ASTN1: variants seen among roughly 807,000 people sequenced by gnomAD.
The protein encoded by ASTN1 is astrotactin 1.
ASTN1 carries 41 observed loss-of-function variants against 140.7 expected under a neutral mutation model. That is an observed-to-expected ratio of 0.29 (90% CI 0.23 to 0.38). The LOEUF (loss-of-function observed/expected upper bound fraction) is 0.38. Among genes scored for constraint, ASTN1 ranks in the 10% least tolerant of loss-of-function variants. The pLI is 1.00. For synonymous variants in ASTN1, 640 were observed against 652.2 expected, an observed-to-expected ratio of 0.98 and a Z score of 0.29; for missense variants, 1,479 against 1,678.8, an observed-to-expected ratio of 0.88 and a Z score of 2.08.
chr1:177,057,928 TACC>T (rs1430299816), intron 2 of ASTN1, among the ~76,000 whole-genome samples: 3 of 152,206 alleles, frequency 2.0e-5, no homozygotes, highest in Non-Finnish European at 4.4e-5. Context: ...AAATAAAGTC[TACC>T]ACCACTTGAG....
chr1:177,163,770 T>C (rs1218167665), intron 1 of ASTN1, among the ~76,000 whole-genome samples: 1 of 151,710 alleles, frequency 6.6e-6, no homozygotes, highest in Non-Finnish European at 1.5e-5. Context: ...AATTAGGGGG[T>C]TGTGACATCT....
chr1:177,064,430 A>G (rs1678248196), intron 1 of ASTN1, among the ~76,000 whole-genome samples: 1 of 152,206 alleles, frequency 6.6e-6, no homozygotes, highest in African/African-American at 2.4e-5. Flanking sequence ...CAGCTCAAGA[A>G]GTTCCATACC....
intron 2 of ASTN1, among the ~76,000 whole-genome samples, chr1:177,038,775 G>T (rs1254594569): frequency 6.6e-6 from 1 of 152,068 alleles, no homozygotes; most frequent in African/African-American, 2.4e-5. Context: ...CTGATCTCAT[G>T]GAGTTTATAT....
rs565642634 is a variant in ASTN1, at chr1:176,903,016, T to C, written c.2672-8186A>G. ...AAGCTGCCTTATGCTTGAGTTGCCATGGTTCTCACCCAGTGCTTTACACTT... is the reference window on the plus strand; with the variant it reads ...AAGCTGCCTTATGCTTGAGTTGCCACGGTTCTCACCCAGTGCTTTACACTT... On this transcript the variant is annotated intron_variant, in intron 16 of 22. Coordinates refer to ENST00000361833, the MANE Select transcript of ASTN1 (RefSeq NM_004319.3). Among the ~76,000 whole-genome samples, 57 of 152,308 alleles carry C rather than the reference T, an allele frequency of 3.7e-4. No individual in the cohort carries two copies. In the South Asian group the frequency reaches 0.012, roughly 31 times the overall value.
intron 7 of ASTN1, among the ~76,000 whole-genome samples, chr1:177,019,417 T>C (rs1371613366): frequency 2.6e-5 from 4 of 152,192 alleles, no homozygotes; most frequent in African/African-American, 9.6e-5. Context: ...AAATTGTCAA[T>C]GCAATGAACC....
At chr1:176,933,676 A>T (rs2103090754) in intron 16 of ASTN1, among the ~76,000 whole-genome samples, 1 of 152,294 alleles carries the variant, frequency 6.6e-6, no homozygotes, top group East Asian at 1.9e-4. Flanking sequence ...TCATAACACA[A>T]ATCAGTCGGA....
At position 177,131,680 on chromosome 1, in the gene ASTN1, T is replaced by C. The variant is rs563617493; in HGVS notation, c.283+32714A>G. ...ACGTGTCAGAAGGGTTCTGTCAGTCTGTTTAGTGTTGTATAACAGAATACC... is the reference window on the plus strand; with the variant it reads ...ACGTGTCAGAAGGGTTCTGTCAGTCCGTTTAGTGTTGTATAACAGAATACC... On this transcript the variant is annotated intron_variant, in intron 1 of 22. Transcript: ENST00000361833. 3.3e-5 allele frequency among the ~76,000 whole-genome samples: 5 copies of C among 152,290 alleles called. No individual in the cohort carries two copies. The South Asian group carries it at 8.3e-4, about 25-fold the overall frequency.
chr1:176,927,669 T>C (rs1671029059), intron 16 of ASTN1, among the ~76,000 whole-genome samples: 1 of 152,226 alleles, frequency 6.6e-6, no homozygotes, highest in South Asian at 2.1e-4. Context: ...TGCCAGGCAC[T>C]GTGTCAGGGA....
intron 2 of ASTN1, among the ~76,000 whole-genome samples, chr1:177,033,925 C>T (rs1026100666): frequency 3.9e-5 from 6 of 152,006 alleles, no homozygotes; most frequent in Non-Finnish European, 8.8e-5. Flanking sequence ...TAAATCTTCC[C>T]GTGCACAATC....
intron 1 of ASTN1, among the ~76,000 whole-genome samples, chr1:177,136,666 A>C (rs894462409): frequency 6.6e-6 from 1 of 152,234 alleles, no homozygotes; most frequent in East Asian, 1.9e-4. Context: ...GGTTTTAGTC[A>C]GACCTTTCTA....
At chr1:176,885,249 A>G (rs937627367) in intron 18 of ASTN1, among the ~76,000 whole-genome samples, 3 of 150,924 alleles carry the variant, frequency 2.0e-5, no homozygotes, top group Non-Finnish European at 4.4e-5. Flanking sequence ...TGCTTTTCTC[A>G]CTTCATACTC....
chr1:176,990,408 C>T (rs879536343), intron 8 of ASTN1, among the ~76,000 whole-genome samples: 7 of 151,564 alleles, frequency 4.6e-5, no homozygotes, highest in Non-Finnish European at 1.0e-4. Context: ...GGAAGAAGTG[C>T]AATGGCCTGG....
In ASTN1 at chr1:177,152,750, C is replaced by T. The variant is rs1027363089; in HGVS notation, c.283+11644G>A. On this transcript the variant is annotated intron_variant, in intron 1 of 22. Transcript: ENST00000361833. ...CCAGATAAGCCAGTTAAAGTTTATA[C>T]GGAAAAACGGAATGGATAGGAGAAC... Among the ~76,000 whole-genome samples, 13 of 151,810 alleles carry T rather than the reference C, an allele frequency of 8.6e-5. No individual in the cohort carries two copies. In the East Asian group the frequency reaches 9.7e-4, roughly 11 times the overall value.
intron 21 of ASTN1, among the ~76,000 whole-genome samples, chr1:176,871,809 T>C (rs1668356388): frequency 6.6e-6 from 1 of 152,242 alleles, no homozygotes; most frequent in South Asian, 2.1e-4. Flanking sequence ...TTTTTAGTTA[T>C]AATTTTACTC....
chr1:177,116,476 G>A (rs1328070973), intron 1 of ASTN1, among the ~76,000 whole-genome samples: 3 of 151,988 alleles, frequency 2.0e-5, no homozygotes, highest in Non-Finnish European at 2.9e-5. Flanking sequence ...CCATTAGCTC[G>A]TAAACATACA....
At chr1:177,070,623 A>G (rs955367798) in intron 1 of ASTN1, among the ~76,000 whole-genome samples, 3 of 152,210 alleles carry the variant, frequency 2.0e-5, no homozygotes, top group African/African-American at 7.2e-5. Flanking sequence ...TTCAGTATTC[A>G]TGAACTAACT....
chr1:177,116,842 T>A (rs1243348855), intron 1 of ASTN1, among the ~76,000 whole-genome samples: 1 of 152,150 alleles, frequency 6.6e-6, no homozygotes, highest in African/African-American at 2.4e-5. Context: ...CTTTTGTATT[T>A]CCCACCCATT....
chr1:177,024,722 G>A lies in ASTN1; in HGVS notation c.1131C>T (p.Pro377=). 2 of 1,613,566 alleles carry A rather than the reference G, an allele frequency of 1.2e-6. No homozygotes were observed. Residue 377 remains proline, a synonymous_variant, in exon 6 of 23, where the codon CCC becomes CCT. Transcript: ENST00000361833. ...AGGTGGTCTTATTCACAGGACTTCG[G>A]GGAGAACCCACTGAAAGTGAGACAA... is the stretch of plus-strand genomic sequence containing the variant. ...RSRRRSRVGS[P]RSPVNKTTLT...
At chr1:177,017,947 G>T (rs1180036013) in intron 7 of ASTN1, among the ~76,000 whole-genome samples, 2 of 152,174 alleles carry the variant, frequency 1.3e-5, no homozygotes, top group Non-Finnish European at 2.9e-5. Flanking sequence ...CTCAGACATG[G>T]CTGGGCTCAC....
Sources: allele counts gnomAD v4.1 joint callset (sites outside exome capture counted in the v4.1 genomes callset), GRCh38; gene constraint gnomAD v4.1.1; transcripts MANE v1.5; gene names NCBI Gene and HGNC (gene_info 2026-07-23, HGNC 2026-07-21).